ABCC10: variants seen among roughly 807,000 people sequenced by gnomAD.
ABCC10 encodes ATP binding cassette subfamily C member 10, also known as ATP-binding cassette sub-family C member 10.
A neutral mutation model predicts 143.2 loss-of-function variants in ABCC10; 110 were observed. The observed-to-expected ratio is 0.77, with a 90% CI of 0.66 to 0.90. The LOEUF (loss-of-function observed/expected upper bound fraction) is 0.90. Ranked by LOEUF, ABCC10 falls within the 40% of genes least tolerant of loss-of-function variation. The pLI is 0.00. For synonymous variants in ABCC10, 805 were observed against 846.7 expected (o/e 0.95, Z 0.85); for missense variants, 1,700 against 1,900.5 (o/e 0.89, Z 1.96).
intron 16 of ABCC10, 143 bp downstream of exon 16, chr6:43,446,589 C>G (rs1360654454): frequency 2.1e-6 from 3 of 1,427,224 alleles, no homozygotes; most frequent in Non-Finnish European, 1.8e-6. Context: ...TCATCATCAC[C>G]CCCGTTTGGA....
rs142049644 is a variant in ABCC10 at position 43,445,808 on chromosome 6, C to A, written c.3240C>A (p.His1080Gln). 5.0e-6 allele frequency: 8 copies of A among 1,614,010 alleles called. No homozygotes were observed. Among genetic ancestry groups the A allele is most frequent in the Non-Finnish European group, 6.8e-6 (8 of 1,180,042 alleles). Residue 1080 changes from histidine to glutamine, a missense_variant, in exon 15 of 22, where the codon CAC becomes CAA. Physicochemically the swap from His to Gln is conservative, Grantham distance 24. Coordinates refer to ENST00000372530, the MANE Select transcript of ABCC10 (RefSeq NM_001198934.2). ...LLPPLSIMYYHVQRHYRASSR... is the reference protein window; with the variant it reads ...LLPPLSIMYYQVQRHYRASSR... ...CGCCTTTGAGCATCATGTACTATCA[C>A]GTGCAGCGCCACTACAGGGCCTCCT...
Position 43,434,834 on chromosome 6 carries a change from C to G in ABCC10, c.1594C>G (p.Leu532Val). 2.5e-6 allele frequency: 4 copies of G among 1,614,108 alleles called. No individual in the cohort carries two copies. Among genetic ancestry groups the G allele is most frequent in the Non-Finnish European group, 3.4e-6 (4 of 1,179,958 alleles). Reference protein sequence around the residue: ...FITYVLMGHQLTATKVFTALA... With the variant: ...FITYVLMGHQVTATKVFTALA... ...CACCTATGTCCTCATGGGGCACCAG[C>G]TCACTGCCACCAAGGTGAGGACCAG... is the stretch of plus-strand genomic sequence containing the variant. Residue 532 changes from leucine (L) to valine (V), a missense_variant, in exon 4 of 22, where the codon CTC (leucine) becomes GTC (valine). Transcript: ENST00000372530.
At position 43,443,657 on chromosome 6, in the gene ABCC10, C is replaced by A; in HGVS notation, c.2417-276C>A. 1 of 429,056 alleles carries A rather than the reference C, an allele frequency of 2.3e-6. No homozygotes were observed. The highest frequency in any genetic ancestry group is 4.3e-6 in the Non-Finnish European group (1 of 234,010). The allele number at this position is 429,056 out of a possible 1,614,324, so 26.6% of individuals were successfully genotyped here. A position where few individuals can be genotyped will look rare whatever the true frequency, so the allele number is the denominator to read the frequency against. ...GACAGAGTGGCAGGCATAGCTCTGGCGGTCCTCTTGGGGATGGACATTCGT... is the reference window on the plus strand; with the variant it reads ...GACAGAGTGGCAGGCATAGCTCTGGAGGTCCTCTTGGGGATGGACATTCGT... On this transcript the variant is annotated intron_variant, in intron 10 of 21. Coordinates refer to ENST00000372530, the MANE Select transcript of ABCC10 (RefSeq NM_001198934.2). This position sits in a 1 kb window ranked among gnomAD's most constrained non-coding sequence, Gnocchi z 4.2.
chr6:43,450,934 C>A (rs746857782), downstream of ABCC10: 5 of 1,614,172 alleles, frequency 3.1e-6, no homozygotes, highest in Non-Finnish European at 4.2e-6. The surrounding 1 kb of genome is among the most constrained non-coding windows in gnomAD (Gnocchi z 4.5). Flanking sequence ...GGGTCTGGGA[C>A]AGGTAAGACA....
Position 43,443,055 on chromosome 6 carries a change from G to A in ABCC10, c.2312G>A (p.Gly771Asp). 2 of 1,613,086 alleles carry A rather than the reference G, an allele frequency of 1.2e-6. No homozygotes were observed. The highest frequency in any genetic ancestry group is 2.2e-5 in the East Asian group (1 of 44,870). The change falls in exon 10 of 22, where the codon GGC becomes GAC. Residue 771 changes from glycine to aspartate, a missense_variant. Transcript: ENST00000372530. This position sits in a 1 kb window ranked among gnomAD's most constrained non-coding sequence, Gnocchi z 4.2. ...ANHLLHRCIL[G>D]MLSYTTRLLC... is the part of the protein sequence containing the mutation. ...CACCTGCTGCACAGGTGCATCCTGG[G>A]CATGCTGAGCTACACCACACGGCTG...
chr6:43,433,219 C>G lies in ABCC10; in HGVS notation c.1239C>G (p.Tyr413Ter). The G allele has an allele frequency of 6.2e-7, 1 of 1,614,216 alleles. No individual in the cohort carries two copies. The highest frequency in any genetic ancestry group is 8.5e-7 in the Non-Finnish European group (1 of 1,180,008). ...CCCTGCAACTGGCCATCACCCTCTACCTGCTGTACCAGCAGGTAGGCGTGG... is the reference window on the plus strand; with the variant it reads ...CCCTGCAACTGGCCATCACCCTCTAGCTGCTGTACCAGCAGGTAGGCGTGG... The part of the protein sequence containing the change: ...GLPLQLAITL[Y>*]LLYQQVGVAF... Residue 413 changes from tyrosine to a stop codon, truncating the protein, a stop_gained, in exon 3 of 22, where the codon TAC becomes TAG. Transcript: ENST00000372530. LOFTEE classifies it high-confidence loss of function.
intron 8 of ABCC10, among the ~76,000 whole-genome samples, chr6:43,439,967 G>C (rs183169546): frequency 1.3e-5 from 2 of 150,980 alleles, no homozygotes; most frequent in Non-Finnish European, 3.0e-5. Flanking sequence ...TTACTTTTTC[G>C]TGTGTGTGAG....
At chr6:43,449,382 C>T (rs1783503611) in intron 20 of ABCC10, 40 bp from the exon 21 acceptor site, 3 of 1,572,384 alleles carry the variant, frequency 1.9e-6, no homozygotes, top group South Asian at 2.3e-5. Flanking sequence ...CCTGCAGCCT[C>T]TCCTTCCTTC....
rs371951951 is a variant in ABCC10, at chr6:43,435,897, C to T, written c.1755C>T (p.Tyr585=). The part of the protein sequence containing the change: ...LDLPNHNPQA[Y]YSPDPPAEPS... Reference sequence around the variant, plus strand: ...TTCCAAACCACAACCCCCAGGCCTACTACAGCCCAGGTAATGGGAAGCTAG... The same window carrying T: ...TTCCAAACCACAACCCCCAGGCCTATTACAGCCCAGGTAATGGGAAGCTAG... Residue 585 remains tyrosine, a synonymous_variant, in exon 5 of 22, where the codon TAC becomes TAT. Coordinates refer to ENST00000372530, the MANE Select transcript of ABCC10 (RefSeq NM_001198934.2). The T allele has an allele frequency of 8.1e-6, 13 of 1,614,126 alleles. No homozygotes were observed. The African/African-American group carries it at 1.6e-4, about 20-fold the overall frequency.
In ABCC10 at chr6:43,449,489, T is replaced by C. The variant is rs775939054; in HGVS notation, c.4271T>C (p.Ile1424Thr). 1.9e-6 allele frequency: 3 copies of C among 1,613,860 alleles called. No individual in the cohort carries two copies. Among genetic ancestry groups the C allele is most frequent in the Non-Finnish European group, 2.5e-6 (3 of 1,179,944 alleles). The change falls in exon 21 of 22, where the codon ATC becomes ACC. Residue 1424 changes from isoleucine (I) to threonine (T), a missense_variant. Physicochemically the swap from Ile to Thr is moderately conservative, Grantham distance 89 (BLOSUM62 -1). Coordinates refer to ENST00000372530, the MANE Select transcript of ABCC10 (RefSeq NM_001198934.2). ...ACAGACCAGCTGCTCCAGCAGACCA[T>C]CTGCAAACGCTTTGCCAACAAGACA... ...QKTDQLLQQT[I>T]CKRFANKTVL... is the part of the protein sequence containing the mutation.
chr6:43,446,829 T>A, intron 16 of ABCC10: 1 of 1,127,950 alleles, frequency 8.9e-7, no homozygotes, highest in South Asian at 3.0e-5. Context: ...ATCACCCTCC[T>A]GCTTCTCTGT....
Position 43,428,108 on chromosome 6 carries a change from G to C in ABCC10, c.130G>C (p.Val44Leu). ...CGCCCTGCCCCACGCGCTCCTCGCC[G>C]TGCTCAGTGCCTGTTACTTGGGCAC... Reference protein sequence around the residue: ...LSALPHALLAVLSACYLGTPR... With the variant: ...LSALPHALLALLSACYLGTPR... Residue 44 changes from valine (V) to leucine (L), a missense_variant, in exon 2 of 22, where the codon GTG (valine) becomes CTG (leucine). Transcript: ENST00000372530. 1 of 1,548,194 alleles carries C rather than the reference G, an allele frequency of 6.5e-7. No homozygotes were observed. The highest frequency in any genetic ancestry group is 8.7e-7 in the Non-Finnish European group (1 of 1,148,338).
chr6:43,435,635 C>G, intron 4 of ABCC10, 116 bp from the exon 5 acceptor site: 3 of 1,254,784 alleles, frequency 2.4e-6, no homozygotes, highest in Non-Finnish European at 3.2e-6. Flanking sequence ...GGCCAGCCAG[C>G]CCTTCAGTTC....
downstream of ABCC10, chr6:43,451,952 C>T (rs770481699): frequency 1.2e-6 from 2 of 1,614,166 alleles, no homozygotes; most frequent in Non-Finnish European, 1.7e-6. The surrounding 1 kb of genome is among the most constrained non-coding windows in gnomAD (Gnocchi z 4.4). Context: ...TGCCTGTTCA[C>T]AGGGTCCAGC....
In ABCC10 at chr6:43,429,159, C is replaced by T. The variant is rs182905359; in HGVS notation, c.161+1020C>T. On this transcript the variant is annotated intron_variant, in intron 2 of 21. Coordinates refer to ENST00000372530, the MANE Select transcript of ABCC10 (RefSeq NM_001198934.2). ...TAAGACAGGAAAGGGCCTCAGAAGG[C>T]TTTAACTTGAGACTCACTGCTCACC... Among the ~76,000 whole-genome samples, 25 of 152,170 alleles carry T rather than the reference C, an allele frequency of 1.6e-4. No homozygotes were observed. The East Asian group carries it at 3.1e-3, about 19-fold the overall frequency.
In ABCC10 at chr6:43,434,635, G is replaced by A; in HGVS notation, c.1395G>A (p.Leu465=). Reference sequence around the variant, plus strand: ...CCTTTCCCTAGCTTGTGACAGAGCTGCTGAGTGGCATTCGGGTCATCAAGT... The same window carrying A: ...CCTTTCCCTAGCTTGTGACAGAGCTACTGAGTGGCATTCGGGTCATCAAGT... The part of the protein sequence containing the change: ...KDARVKLVTE[L]LSGIRVIKFC... Residue 465 remains leucine (L), a synonymous_variant, in exon 4 of 22, where the codon CTG becomes CTA. Coordinates refer to ENST00000372530, the MANE Select transcript of ABCC10 (RefSeq NM_001198934.2). 1 of 1,613,840 alleles carries A rather than the reference G, an allele frequency of 6.2e-7. No homozygotes were observed. Among genetic ancestry groups the A allele is most frequent in the Non-Finnish European group, 8.5e-7 (1 of 1,179,826 alleles).
chr6:43,447,568 C>T (rs1783239845), intron 17 of ABCC10, 116 bp from the exon 18 acceptor site: 13 of 1,557,564 alleles, frequency 8.3e-6, no homozygotes, highest in Non-Finnish European at 1.1e-5. Context: ...CCCCATCTCT[C>T]ATTCTCTCAT....
chr6:43,444,082 G>A, intron 11 of ABCC10, 72 bp downstream of exon 11: 1 of 1,608,852 alleles, frequency 6.2e-7, no homozygotes, highest in Non-Finnish European at 8.5e-7. Flanking sequence ...TACAACGGCT[G>A]CCCGCTCCTC....
intron 2 of ABCC10, among the ~76,000 whole-genome samples, chr6:43,428,515 T>G (rs1780745166): frequency 6.6e-6 from 1 of 152,160 alleles, no homozygotes; most frequent in Non-Finnish European, 1.5e-5. Flanking sequence ...GATGATGTGT[T>G]TAAGTTGTAG....
Sources: allele counts gnomAD v4.1 joint callset (sites outside exome capture counted in the v4.1 genomes callset), GRCh38; gene constraint gnomAD v4.1.1; non-coding constraint Gnocchi (gnomAD v3.1); transcripts MANE v1.5; gene names NCBI Gene and HGNC (gene_info 2026-07-23, HGNC 2026-07-21).